OVCH1: variants seen among roughly 807,000 people sequenced by gnomAD.
OVCH1 encodes the protein ovochymase-1.
A neutral mutation model predicts 138.4 loss-of-function variants in OVCH1; 139 were observed. The observed-to-expected ratio is 1.00, with a 90% CI of 0.87 to 1.16. OVCH1 has a LOEUF of 1.16. Among genes scored for constraint, OVCH1 ranks in the 50% most tolerant of loss-of-function variants. The pLI, the probability that OVCH1 is intolerant of heterozygous loss-of-function variation, is 0.00. For synonymous variants in OVCH1, 453 were observed against 467.8 expected (o/e 0.97, Z 0.41); for missense variants, 1,367 against 1,357.9 (o/e 1.01, Z -0.11).
chr12:29,466,338 ATTTG>A lies in OVCH1; in HGVS notation c.1857-1123_1857-1120del, dbSNP rs1209451256. Among the ~76,000 whole-genome samples, 3 of 140,970 alleles carry A rather than the reference ATTTG, an allele frequency of 2.1e-5. No individual in the cohort carries two copies. The East Asian group carries it at 5.9e-4, about 28-fold the overall frequency. 92.5% of individuals were successfully genotyped at this position (140,970 alleles called of 152,430 possible). A position where few individuals can be genotyped will look rare whatever the true frequency, so the allele number is the denominator to read the frequency against. On this transcript the variant is annotated intron_variant, in intron 16 of 27. Transcript: ENST00000318184. ...AGTACTGTATTTATCAATATCTTAA[ATTTG>A]TTTAATAAATAATAAAAATCTTTGC...
At chr12:29,410,986 A>G (rs984218849), downstream of OVCH1, among the ~76,000 whole-genome samples, 2 of 151,508 alleles carry the variant, frequency 1.3e-5, no homozygotes, top group Non-Finnish European at 2.9e-5. Context: ...ATAGTCCCAT[A>G]TTTCTTGGAG....
intron 22 of OVCH1, among the ~76,000 whole-genome samples, chr12:29,449,113 G>A (rs1038791779): frequency 1.3e-5 from 2 of 152,046 alleles, no homozygotes; most frequent in Admixed American, 6.6e-5. Context: ...CACTTTAAAA[G>A]CCTTTAATGT....
chr12:29,488,007 A>G (rs183399654), intron 6 of OVCH1, 125 bp from the exon 7 acceptor site: 2 of 856,272 alleles, frequency 2.3e-6, no homozygotes, highest in East Asian at 2.8e-5. Context: ...TCCACTAGTC[A>G]TCGTCCATCA....
chr12:29,430,861 T>A, intron 27 of OVCH1: 1 of 516,676 alleles, frequency 1.9e-6, no homozygotes, highest in Non-Finnish European at 3.9e-6. Context: ...TGTTACAAAG[T>A]TCAGTTGGAG....
At chr12:29,477,460 A>G (rs1445809918) in exon 11 of OVCH1, 5 of 1,613,800 alleles carry the variant, frequency 3.1e-6, no homozygotes, top group Middle Eastern at 3.3e-4. Flanking sequence ...TGAAGGCAAT[A>G]TTTTTCCACA....
chr12:29,416,302 C>T (rs550829648), intron 3 of OVCH1, among the ~76,000 whole-genome samples: 4 of 150,814 alleles, frequency 2.7e-5, no homozygotes, highest in South Asian at 4.2e-4. Flanking sequence ...TTTTTTTGAA[C>T]GGAGCAATTG....
At chr12:29,486,837 C>T (rs932609194) in intron 7 of OVCH1, 7 of 438,542 alleles carry the variant, frequency 1.6e-5, no homozygotes, top group Admixed American at 1.0e-4. Context: ...TCATTGTTAC[C>T]ATTTACATTT....
At chr12:29,442,738 A>G (rs987747041) in intron 25 of OVCH1, among the ~76,000 whole-genome samples, 16 of 152,124 alleles carry the variant, frequency 1.1e-4, no homozygotes, top group African/African-American at 3.6e-4. Flanking sequence ...TCTTTATTTT[A>G]TTAAGAATAG....
chr12:29,425,448 T>C (rs746548699), downstream of OVCH1, among the ~76,000 whole-genome samples: 8 of 152,190 alleles, frequency 5.3e-5, no homozygotes, highest in East Asian at 1.9e-4. Context: ...CTGGAACTTA[T>C]CAGCATTTTC....
chr12:29,488,410 A>G (rs1943174728), intron 6 of OVCH1, among the ~76,000 whole-genome samples: 1 of 152,026 alleles, frequency 6.6e-6, no homozygotes, highest in African/African-American at 2.4e-5. Context: ...TGAGGTCACG[A>G]GTTCGAGACC....
chr12:29,418,745 CCA>C (rs1231233130), intron 3 of OVCH1, among the ~76,000 whole-genome samples: 1 of 152,118 alleles, frequency 6.6e-6, no homozygotes, highest in African/African-American at 2.4e-5. Flanking sequence ...CTTTCTGTTA[CCA>C]GGTTGTCTGT....
chr12:29,461,746 G>A, intron 19 of OVCH1, 108 bp downstream of exon 19: 1 of 1,353,440 alleles, frequency 7.4e-7, no homozygotes, highest in South Asian at 1.2e-5. Context: ...ATATGATATT[G>A]AAGCACGTGA....
At chr12:29,436,999 ATTTTACAGAGTGCTGACTGGTCCGT>A (rs1271682470) in intron 26 of OVCH1, among the ~76,000 whole-genome samples, 1 of 152,134 alleles carries the variant, frequency 6.6e-6, no homozygotes, top group East Asian at 1.9e-4. Flanking sequence ...TGATTGGTCC[ATTTTACAGAGTGCTGACTGGTCCGT>A]TTTTACAGAG....
chr12:29,491,058 G>C (rs750372825), intron 5 of OVCH1, 39 bp downstream of exon 5: 64 of 1,515,884 alleles, frequency 4.2e-5, no homozygotes, highest in South Asian at 2.3e-5. Flanking sequence ...GACATACAGA[G>C]AGCTGGAAGA....
chr12:29,410,357 G>A (rs1330546435), downstream of OVCH1, among the ~76,000 whole-genome samples: 2 of 151,106 alleles, frequency 1.3e-5, no homozygotes, highest in African/African-American at 2.4e-5. Flanking sequence ...TCATTATGAT[G>A]TTAGCTGGTT....
At chr12:29,492,677 A>C (rs1943303537) in intron 4 of OVCH1, among the ~76,000 whole-genome samples, 1 of 152,168 alleles carries the variant, frequency 6.6e-6, no homozygotes, top group Non-Finnish European at 1.5e-5. Flanking sequence ...AGTGTCCAAG[A>C]GAAGAATCAA....
At chr12:29,467,809 CTT>C (rs1377139669) in intron 16 of OVCH1, among the ~76,000 whole-genome samples, 1 of 152,146 alleles carries the variant, frequency 6.6e-6, no homozygotes, top group African/African-American at 2.4e-5. Context: ...CCACACCAGA[CTT>C]AAAGAATCAG....
intron 4 of OVCH1, among the ~76,000 whole-genome samples, chr12:29,491,454 C>G (rs956011398): frequency 2.6e-5 from 4 of 152,180 alleles, no homozygotes; most frequent in Non-Finnish European, 4.4e-5. Context: ...ACATTTTAGA[C>G]TATGCCTGTG....
chr12:29,405,104 A>G, the OVCH1 span, among the ~76,000 whole-genome samples: 1 of 151,490 alleles, frequency 6.6e-6, no homozygotes, highest in Admixed American at 6.6e-5. Flanking sequence ...GAATATCAGC[A>G]ATTACACATA....
Sources: gnomAD v4.1 joint callset for allele counts (sites outside exome capture counted in the v4.1 genomes callset) on GRCh38, gnomAD v4.1.1 for gene constraint, MANE v1.5 for transcripts, NCBI Gene and HGNC (gene_info 2026-07-23, HGNC 2026-07-21) for gene names.